DPYD: variants seen among roughly 807,000 people sequenced by gnomAD.
The protein encoded by DPYD is dihydropyrimidine dehydrogenase [NADP(+)].
DPYD carries 109 observed loss-of-function variants against 116.2 expected under a neutral mutation model. That is an observed-to-expected ratio of 0.94 (90% CI 0.80 to 1.10). The LOEUF (loss-of-function observed/expected upper bound fraction) is 1.10. Among genes scored for constraint, DPYD ranks in the 50% least tolerant of loss-of-function variants. The probability of loss-of-function intolerance (pLI) is 0.00; values close to 1 mark genes in which losing one functional copy is unlikely to be tolerated. For synonymous variants in DPYD, 440 were observed against 432.0 expected (o/e 1.02, Z -0.23); for missense variants, 1,302 against 1,254.5 (o/e 1.04, Z -0.57).
At chr1:97,085,718 A>G (rs980762476) in intron 21 of DPYD, among the ~76,000 whole-genome samples, 3 of 152,162 alleles carry the variant, frequency 2.0e-5, no homozygotes, top group African/African-American at 4.8e-5. Context: ...GATGCATAAA[A>G]TCAGTAAGTC....
intron 20 of DPYD, among the ~76,000 whole-genome samples, chr1:97,139,811 A>G (rs1654080431): frequency 6.6e-6 from 1 of 152,164 alleles, no homozygotes; most frequent in Admixed American, 6.5e-5. Flanking sequence ...TTTACTCTGT[A>G]GGTCTGGGAT....
At chr1:97,426,108 A>G (rs528984383) in intron 14 of DPYD, among the ~76,000 whole-genome samples, 1 of 152,134 alleles carries the variant, frequency 6.6e-6, no homozygotes, top group African/African-American at 2.4e-5. Context: ...AGGCTGGAAA[A>G]GGAGGGTAGC....
intron 6 of DPYD, among the ~76,000 whole-genome samples, chr1:97,693,886 G>T (rs1661160863): frequency 6.6e-6 from 1 of 152,116 alleles, no homozygotes; most frequent in Non-Finnish European, 1.5e-5. Flanking sequence ...GCAAGTCAAT[G>T]GTTCTGACTT....
intron 14 of DPYD, among the ~76,000 whole-genome samples, chr1:97,393,013 A>G (rs903648380): frequency 6.6e-6 from 1 of 151,986 alleles, no homozygotes; most frequent in Non-Finnish European, 1.5e-5. Context: ...GACCACTAAA[A>G]TGTTCTCCAT....
At chr1:97,771,855 A>G (rs1666160588) in intron 3 of DPYD, among the ~76,000 whole-genome samples, 1 of 152,182 alleles carries the variant, frequency 6.6e-6, no homozygotes, top group South Asian at 2.1e-4. Flanking sequence ...ATAGTCTAAT[A>G]ATTTAAAGCA....
At chr1:97,164,749 T>C (rs1451907168) in intron 20 of DPYD, among the ~76,000 whole-genome samples, 3 of 152,036 alleles carry the variant, frequency 2.0e-5, no homozygotes, top group African/African-American at 2.4e-5. Context: ...ATGAGGATTA[T>C]AAAACACTGC....
chr1:97,464,920 G>A (rs1256221732), intron 13 of DPYD, among the ~76,000 whole-genome samples: 3 of 152,068 alleles, frequency 2.0e-5, no homozygotes, highest in East Asian at 1.9e-4. Flanking sequence ...TAGATCCTCC[G>A]ACAGCTTGCA....
At chr1:97,081,308 C>A (rs1016897350) in intron 22 of DPYD, among the ~76,000 whole-genome samples, 40 of 151,834 alleles carry the variant, frequency 2.6e-4, no homozygotes, top group Non-Finnish European at 7.4e-5. Flanking sequence ...TTAAAAAGAT[C>A]TTTTTTTACT....
chr1:97,297,067 C>T (rs1198252789), intron 18 of DPYD, among the ~76,000 whole-genome samples: 2 of 152,102 alleles, frequency 1.3e-5, no homozygotes, highest in East Asian at 1.9e-4. Context: ...TGGTTTATAA[C>T]GTTTTAATTG....
chr1:97,812,097 T>G (rs1401126559), intron 3 of DPYD, among the ~76,000 whole-genome samples: 1 of 152,156 alleles, frequency 6.6e-6, no homozygotes, highest in African/African-American at 2.4e-5. Context: ...TAATCTTCCC[T>G]CATGATTTTA....
chr1:97,484,740 T>A (rs1678522788), intron 13 of DPYD, among the ~76,000 whole-genome samples: 1 of 152,362 alleles, frequency 6.6e-6, no homozygotes, highest in African/African-American at 2.4e-5. Flanking sequence ...CTTCCAACTC[T>A]TAAAATACAT....
At chr1:97,108,754 A>G (rs1651365514) in intron 20 of DPYD, among the ~76,000 whole-genome samples, 1 of 152,134 alleles carries the variant, frequency 6.6e-6, no homozygotes, top group Admixed American at 6.6e-5. Context: ...CTAACATTAC[A>G]CTGTAATTAT....
Position 97,124,762 on chromosome 1 carries a change from C to A in DPYD, c.2623-26130G>T, listed in dbSNP as rs138707567. ...TATCCCACCCCAAATATTTGTGCAT[C>A]CACACAGTGAATAGTTTATCTGATC... is the stretch of plus-strand genomic sequence containing the variant. On this transcript the variant is annotated intron_variant, in intron 20 of 22. Coordinates refer to ENST00000370192, the MANE Select transcript of DPYD (RefSeq NM_000110.4). 1.8e-4 allele frequency among the ~76,000 whole-genome samples: 28 copies of A among 152,258 alleles called. No individual in the cohort carries two copies. In the East Asian group the frequency reaches 5.4e-3, roughly 29 times the overall value.
At chr1:97,374,095 T>C (rs570608085) in intron 15 of DPYD, among the ~76,000 whole-genome samples, 3 of 152,286 alleles carry the variant, frequency 2.0e-5, no homozygotes, top group South Asian at 2.1e-4. Flanking sequence ...ATCTTACTAA[T>C]TATGGATAAC....
At chr1:97,711,493 C>T (rs1174763258) in intron 5 of DPYD, among the ~76,000 whole-genome samples, 1 of 151,880 alleles carries the variant, frequency 6.6e-6, no homozygotes, top group African/African-American at 2.4e-5. Context: ...CACTTTTACA[C>T]CATTTTAAAG....
chr1:97,895,700 G>C (rs1673026944), intron 1 of DPYD, among the ~76,000 whole-genome samples: 1 of 151,638 alleles, frequency 6.6e-6, no homozygotes, highest in Non-Finnish European at 1.5e-5. Context: ...GAGTTGAGGA[G>C]TTGGACTATT....
At chr1:97,284,288 T>C (rs1384519494) in intron 18 of DPYD, among the ~76,000 whole-genome samples, 1 of 152,042 alleles carries the variant, frequency 6.6e-6, no homozygotes, top group Non-Finnish European at 1.5e-5. Flanking sequence ...TAAGTGTGAG[T>C]TTGACTTTTG....
At chr1:97,468,289 T>G (rs1304292646) in intron 13 of DPYD, among the ~76,000 whole-genome samples, 2 of 152,246 alleles carry the variant, frequency 1.3e-5, no homozygotes, top group Non-Finnish European at 2.9e-5. Context: ...ATGGTCTGAA[T>G]GTTTTTGTCC....
intron 14 of DPYD, among the ~76,000 whole-genome samples, chr1:97,383,345 C>T (rs559027762): frequency 2.8e-4 from 43 of 151,714 alleles, no homozygotes; most frequent in Admixed American, 2.0e-3. Context: ...GGTGTGGTGG[C>T]GTGTGCCTGT....
Sources: gnomAD v4.1 joint callset for allele counts (sites outside exome capture counted in the v4.1 genomes callset) on GRCh38, gnomAD v4.1.1 for gene constraint, MANE v1.5 for transcripts, NCBI Gene and HGNC (gene_info 2026-07-23, HGNC 2026-07-21) for gene names.